Variants in UNC13B observed in about 807,000 individuals in gnomAD.
UNC13B encodes the protein unc-13 homolog B, also known as protein unc-13 homolog B.
UNC13B carries 144 observed loss-of-function variants against 211.0 expected under a neutral mutation model. The observed-to-expected ratio is 0.68, with a 90% CI of 0.60 to 0.78. The LOEUF (loss-of-function observed/expected upper bound fraction) is 0.78. UNC13B is among the 30% of genes least tolerant of loss of function. The pLI, the probability that UNC13B is intolerant of heterozygous loss-of-function variation, is 0.00. For synonymous variants in UNC13B, 709 were observed against 725.8 expected (o/e 0.98, Z 0.37); for missense variants, 1,777 against 2,002.0 (o/e 0.89, Z 2.14).
intron 14 of UNC13B, 52 bp downstream of exon 14, chr9:35,375,253 A>G: frequency 1.3e-6 from 2 of 1,567,924 alleles, no homozygotes; most frequent in Non-Finnish European, 1.8e-6. Flanking sequence ...ACTGGTGATC[A>G]TCTCTGTAGC....
chr9:35,308,283 C>A lies in UNC13B; in HGVS notation c.8879C>A (p.Thr2960Asn). ...GGGAAACATGAGGAAGAACCCTCCA[C>A]TGTCTCTGAGATATTTCACCAGCTA... The part of the protein sequence containing the change: ...PSGKHEEEPS[T>N]VSEIFHQLEK... Residue 2960 changes from threonine (T) to asparagine (N), a missense_variant, in exon 9 of 40, where the codon ACT becomes AAT. Thr to Asn is a moderately conservative substitution (Grantham distance 65). Transcript: ENST00000635942. The A allele has an allele frequency of 5.0e-6, 2 of 399,182 alleles. No homozygotes were observed. The highest frequency in any genetic ancestry group is 8.8e-6 in the Non-Finnish European group (2 of 226,166). 24.7% of individuals were successfully genotyped at this position (399,182 alleles called of 1,614,324 possible). A position where few individuals can be genotyped will look rare whatever the true frequency, so the allele number is the denominator to read the frequency against.
chr9:35,355,085 A>G (rs1194821549), intron 11 of UNC13B, among the ~76,000 whole-genome samples: 1 of 152,244 alleles, frequency 6.6e-6, no homozygotes, highest in Non-Finnish European at 1.5e-5. Context: ...AGAATGTGGT[A>G]GCTCTTTACT....
chr9:35,258,920 G>A, intron 6 of UNC13B, 73 bp from the exon 7 acceptor site: 8 of 1,496,532 alleles, frequency 5.3e-6, no homozygotes, highest in Non-Finnish European at 7.3e-6. Context: ...ATAGGTAGTT[G>A]TGATTTTTTT....
At chr9:35,204,211 G>A (rs1225448737) in intron 1 of UNC13B, among the ~76,000 whole-genome samples, 1 of 152,236 alleles carries the variant, frequency 6.6e-6, no homozygotes, top group Non-Finnish European at 1.5e-5. Context: ...GTTGAGGCTT[G>A]GGAGCCTCCA....
chr9:35,340,284 G>A (rs1052559798), intron 11 of UNC13B, among the ~76,000 whole-genome samples: 1 of 152,148 alleles, frequency 6.6e-6, no homozygotes, highest in Non-Finnish European at 1.5e-5. Context: ...GTGTAATGAG[G>A]TGGATGGCTA....
intron 1 of UNC13B, among the ~76,000 whole-genome samples, chr9:35,215,737 TC>T (rs1341898764): frequency 6.6e-6 from 1 of 152,214 alleles, no homozygotes; most frequent in Non-Finnish European, 1.5e-5. Context: ...GCAATTTTTT[TC>T]CTACATAGTT....
Position 35,301,807 on chromosome 9 carries a change from A to C in UNC13B, c.2403A>C (p.Thr801=), listed in dbSNP as rs781172632. The C allele has an allele frequency of 5.0e-6, 2 of 398,756 alleles. No homozygotes were observed. The highest frequency in any genetic ancestry group is 4.1e-5 in the African/African-American group (2 of 48,630). The allele number at this position is 398,756 out of a possible 1,614,324, so 24.7% of individuals were successfully genotyped here. The change falls in exon 9 of 40, where the codon ACA becomes ACC. Residue 801 remains threonine (T), a synonymous_variant. Coordinates refer to ENST00000635942, the MANE Select transcript of UNC13B (RefSeq NM_001371189.2). ...AGCCATTAGAGGAGGACAAAGTTACAGGTAATGATGATTTCCTTGAGCCAC... is the reference window on the plus strand; with the variant it reads ...AGCCATTAGAGGAGGACAAAGTTACCGGTAATGATGATTTCCTTGAGCCAC... ...FSKPLEEDKV[T]GNDDFLEPLR...
At chr9:35,329,072 C>T (rs757312800) in intron 11 of UNC13B, among the ~76,000 whole-genome samples, 3 of 151,666 alleles carry the variant, frequency 2.0e-5, no homozygotes, top group Non-Finnish European at 4.4e-5. Flanking sequence ...CGCCCAGCCC[C>T]GAATTGTCCC....
intron 26 of UNC13B, among the ~76,000 whole-genome samples, chr9:35,395,089 G>A (rs1835786058): frequency 6.6e-6 from 1 of 152,106 alleles, no homozygotes; most frequent in Admixed American, 6.5e-5. Context: ...CAGGGGATGG[G>A]GGTGGAGGAG....
rs557133514 is a variant in UNC13B, at chr9:35,162,045, C to G, written c.-239C>G. 161 of 562,806 alleles carry G rather than the reference C, an allele frequency of 2.9e-4. 1 individual carries two copies. The African/African-American group carries it at 2.9e-3, about 10-fold the overall frequency. The allele number at this position is 562,806 out of a possible 1,614,324, so 34.9% of individuals were successfully genotyped here. A position where few individuals can be genotyped will look rare whatever the true frequency, so the allele number is the denominator to read the frequency against. ...CTCCTACCTCCCAGCGATGGCGTCGCTGTGCCGCGCCCAGTCCCCAGCCTG... is the reference window on the plus strand; with the variant it reads ...CTCCTACCTCCCAGCGATGGCGTCGGTGTGCCGCGCCCAGTCCCCAGCCTG... On this transcript the variant is annotated 5_prime_UTR_variant, in exon 1 of 40. Transcript: ENST00000635942.
intron 1 of UNC13B, among the ~76,000 whole-genome samples, chr9:35,195,096 G>A (rs979803677): frequency 6.6e-6 from 1 of 152,112 alleles, no homozygotes; most frequent in African/African-American, 2.4e-5. Context: ...TAATGCAAAT[G>A]GAACTTTCCC....
chr9:35,351,661 C>G (rs1832727981), intron 11 of UNC13B: 1 of 1,232,306 alleles, frequency 8.1e-7, no homozygotes, highest in South Asian at 4.1e-5. Context: ...CTGCTGGATC[C>G]TTACCAGAGG....
rs1822347240 is a variant in UNC13B, at chr9:35,186,130, CAG to C, written c.22+23829_22+23830del. Among the ~76,000 whole-genome samples the C allele has an allele frequency of 2.0e-5, 3 of 152,232 alleles. No individual in the cohort carries two copies. In the South Asian group the frequency reaches 6.2e-4, roughly 32 times the overall value. ...CAACTGACCAGCATTAACATTAAAA[CAG>C]AGATGTTAAGACTGACAAAACATGA... On this transcript the variant is annotated intron_variant, in intron 1 of 39. Coordinates refer to ENST00000635942, the MANE Select transcript of UNC13B (RefSeq NM_001371189.2).
At chr9:35,285,014 A>G (rs1828710974) in intron 7 of UNC13B, among the ~76,000 whole-genome samples, 1 of 152,244 alleles carries the variant, frequency 6.6e-6, no homozygotes, top group South Asian at 2.1e-4. Flanking sequence ...ACTAGAAACA[A>G]GATAAAATGT....
Position 35,259,159 on chromosome 9 carries a change from A to G in UNC13B, c.526+109A>G, listed in dbSNP as rs1241531642. On this transcript the variant is annotated intron_variant, in intron 7 of 39. Transcript: ENST00000635942. ...GGGTGGAGATGTCATGTGTGTAAGC[A>G]GAAGATATTCCTGAAGCACATCTGT... 9 of 1,128,998 alleles carry G rather than the reference A, an allele frequency of 8.0e-6. No homozygotes were observed. The East Asian group carries it at 1.4e-4, about 18-fold the overall frequency. The allele number at this position is 1,128,998 out of a possible 1,614,324, so 69.9% of individuals were successfully genotyped here.
Position 35,303,786 on chromosome 9 carries a change from T to C in UNC13B, c.4382T>C (p.Ile1461Thr). ...SLYGNSGPLP[I>T]NEANNSLEEL... is the part of the protein sequence containing the mutation. ...TATGGAAACTCTGGTCCTCTTCCAA[T>C]TAATGAGGCTAATAATTCACTAGAA... is the stretch of plus-strand genomic sequence containing the variant. The change falls in exon 9 of 40, where the codon ATT becomes ACT. Residue 1461 changes from isoleucine (I) to threonine (T), a missense_variant. Physicochemically the swap from Ile to Thr is moderately conservative, Grantham distance 89 (BLOSUM62 -1). Transcript: ENST00000635942. 2.5e-6 allele frequency: 1 copy of C among 398,808 alleles called. No individual in the cohort carries two copies. The highest frequency in any genetic ancestry group is 3.6e-5 in the East Asian group (1 of 28,064). 24.7% of individuals were successfully genotyped at this position (398,808 alleles called of 1,614,324 possible).
chr9:35,222,229 A>G (rs904967153), intron 1 of UNC13B, among the ~76,000 whole-genome samples: 6 of 152,182 alleles, frequency 3.9e-5, no homozygotes, highest in South Asian at 2.1e-4. Flanking sequence ...TGTCTTGAAT[A>G]TGTAGATTAA....
intron 11 of UNC13B, among the ~76,000 whole-genome samples, chr9:35,365,787 G>A (rs999927929): frequency 1.3e-5 from 2 of 152,194 alleles, no homozygotes; most frequent in Admixed American, 6.5e-5. Flanking sequence ...AAGGATAGGA[G>A]GCAGATGGGG....
At chr9:35,169,475 G>A (rs557012736) in intron 1 of UNC13B, among the ~76,000 whole-genome samples, 2 of 152,214 alleles carry the variant, frequency 1.3e-5, no homozygotes, top group Non-Finnish European at 2.9e-5. Flanking sequence ...GAATGGTAAT[G>A]ATATTAGAGT....
Sources: allele counts gnomAD v4.1 joint callset (sites outside exome capture counted in the v4.1 genomes callset), GRCh38; gene constraint gnomAD v4.1.1; transcripts MANE v1.5; gene names NCBI Gene and HGNC (gene_info 2026-07-23, HGNC 2026-07-21).